The following TLE1 variants were observed in gnomAD, a reference collection of about 807,000 sequenced individuals.
TLE1 encodes the protein TLE family member 1, transcriptional corepressor.
Under a neutral mutation model 89.8 loss-of-function variants are expected in TLE1, and 21 were observed. The ratio of observed to expected loss-of-function variants is 0.23; its 90% CI spans 0.17 to 0.34. The LOEUF (loss-of-function observed/expected upper bound fraction) is 0.34. Among genes scored for constraint, TLE1 ranks in the 10% least tolerant of loss-of-function variants. The pLI is 1.00. For missense variants in TLE1, 795 were observed against 1,031.2 expected (o/e 0.77, Z 3.14); for synonymous variants, 447 against 407.6 (o/e 1.10, Z -1.16).
intron 9 of TLE1, among the ~76,000 whole-genome samples, chr9:81,619,523 C>G (rs1824971655): frequency 6.6e-6 from 1 of 152,176 alleles, no homozygotes; most frequent in African/African-American, 2.4e-5. Context: ...AGGCTTGGGC[C>G]AGCCAGCAGG....
intron 4 of TLE1, among the ~76,000 whole-genome samples, chr9:81,659,034 G>A (rs752828339): frequency 6.6e-6 from 1 of 151,814 alleles, no homozygotes; most frequent in African/African-American, 2.4e-5. Flanking sequence ...TCAGCCTCGC[G>A]AGTAGCTGGG....
chr9:81,655,865 A>AAAAAG (rs869242422), intron 4 of TLE1, among the ~76,000 whole-genome samples: 3 of 144,306 alleles, frequency 2.1e-5, no homozygotes, highest in Non-Finnish European at 3.0e-5. Flanking sequence ...AAAAAAAAAA[A>AAAAAG]AAAAGAAAAG....
chr9:81,646,755 T>C (rs952528634), intron 6 of TLE1, among the ~76,000 whole-genome samples: 4 of 152,158 alleles, frequency 2.6e-5, no homozygotes, highest in Admixed American at 6.6e-5. Flanking sequence ...TCTACAAATG[T>C]TTTAGGAGTT....
chr9:81,666,317 C>G (rs57208048), intron 4 of TLE1, among the ~76,000 whole-genome samples: 23,184 of 152,134 alleles, frequency 0.15, 2,591 homozygotes, highest in East Asian at 0.48. Flanking sequence ...CCCTGGGCCA[C>G]ACCCCAAGCA....
At chr9:81,646,748 A>G (rs1041391291) in intron 6 of TLE1, among the ~76,000 whole-genome samples, 15 of 152,208 alleles carry the variant, frequency 9.9e-5, no homozygotes, top group Admixed American at 3.9e-4. Context: ...GGCTCCTTCT[A>G]CAAATGTTTT....
chr9:81,633,217 T>G, intron 8 of TLE1, 131 bp downstream of exon 8: 1 of 1,437,036 alleles, frequency 7.0e-7, no homozygotes, highest in Non-Finnish European at 9.3e-7. Flanking sequence ...AAAAGCCAGG[T>G]CACTGAGAGA....
chr9:81,684,695 G>A (rs921224444), intron 4 of TLE1, among the ~76,000 whole-genome samples: 1 of 152,188 alleles, frequency 6.6e-6, no homozygotes, highest in African/African-American at 2.4e-5. Flanking sequence ...GAATTGTATT[G>A]TTGCACTTTG....
chr9:81,671,822 T>C (rs569027532), intron 4 of TLE1, among the ~76,000 whole-genome samples: 1 of 152,196 alleles, frequency 6.6e-6, no homozygotes, highest in African/African-American at 2.4e-5. Flanking sequence ...CCCTCCTAAG[T>C]TAGTGGTATG....
chr9:81,671,347 CTATT>C (rs1020131869), intron 4 of TLE1, among the ~76,000 whole-genome samples: 10 of 151,978 alleles, frequency 6.6e-5, no homozygotes, highest in African/African-American at 1.9e-4. Context: ...AACCCTGTCT[CTATT>C]TAAGAAAAAT....
intron 8 of TLE1, among the ~76,000 whole-genome samples, chr9:81,628,286 G>A (rs1826146741): frequency 6.6e-6 from 1 of 152,044 alleles, no homozygotes; most frequent in African/African-American, 2.4e-5. Context: ...TTATAGATGG[G>A]ACTAGGAAGG....
At chr9:81,615,924 C>T (rs1198149544) in intron 11 of TLE1, 58 bp downstream of exon 11, 1 of 1,603,834 alleles carries the variant, frequency 6.2e-7, no homozygotes, top group Non-Finnish European at 8.5e-7. Context: ...TCAGAGTCCT[C>T]CAGTCCACAA....
intron 4 of TLE1, among the ~76,000 whole-genome samples, chr9:81,662,540 C>CAA (rs535285375): frequency 9.3e-5 from 14 of 151,106 alleles, no homozygotes; most frequent in African/African-American, 3.2e-4. Flanking sequence ...ACTAAAAATA[C>CAA]AAAAAAAATT....
In TLE1 at chr9:81,590,795, C is replaced by G. The variant is rs1167287357; in HGVS notation, c.1829+10G>C. ...AGCGAACCCCTCCTTAGACGACCAT[C>G]TTTGCTCACCTCACTAGTGTCTGGT... On this transcript the variant is annotated intron_variant, in intron 16 of 19. Transcript: ENST00000376499. The G allele has an allele frequency of 1.9e-6, 3 of 1,611,346 alleles. No individual in the cohort carries two copies. In the Admixed American group the frequency reaches 5.0e-5, roughly 27 times the overall value.
chr9:81,672,144 T>C (rs1184803343), intron 4 of TLE1, among the ~76,000 whole-genome samples: 1 of 152,152 alleles, frequency 6.6e-6, no homozygotes, highest in Non-Finnish European at 1.5e-5. Context: ...CGGCCAACTT[T>C]GGAGCTTGTT....
At chr9:81,671,331 T>C (rs917920241) in intron 4 of TLE1, among the ~76,000 whole-genome samples, 4 of 151,976 alleles carry the variant, frequency 2.6e-5, no homozygotes, top group Admixed American at 6.6e-5. Flanking sequence ...CTGGGCAACA[T>C]GGCGAAACCC....
At chr9:81,620,247 A>C (rs1825061248) in intron 9 of TLE1, among the ~76,000 whole-genome samples, 194 bp downstream of exon 9, 1 of 152,170 alleles carries the variant, frequency 6.6e-6, no homozygotes, top group Admixed American at 6.5e-5. Context: ...GGAAGTCTAA[A>C]GCTTAACACT....
chr9:81,687,906 G>T (rs1345143551), intron 1 of TLE1, among the ~76,000 whole-genome samples: 2 of 151,994 alleles, frequency 1.3e-5, no homozygotes, highest in East Asian at 1.9e-4. Flanking sequence ...AGAAACAAAG[G>T]GGGGGGCGCC....
At chr9:81,672,102 G>A (rs1037917811) in intron 4 of TLE1, among the ~76,000 whole-genome samples, 2 of 152,146 alleles carry the variant, frequency 1.3e-5, no homozygotes, top group Non-Finnish European at 2.9e-5. Flanking sequence ...AGCCATGAAC[G>A]CGGAGCTTCT....
chr9:81,660,965 ACACACACACACAC>A (rs1238881091), intron 4 of TLE1, among the ~76,000 whole-genome samples: 2,686 of 114,030 alleles, frequency 0.024, 60 homozygotes, highest in Non-Finnish European at 0.037. Flanking sequence ...ACACACACAC[ACACACACACACAC>A]ATTTAGCCTG....
Sources: gnomAD v4.1 joint callset for allele counts (sites outside exome capture counted in the v4.1 genomes callset) on GRCh38, gnomAD v4.1.1 for gene constraint, MANE v1.5 for transcripts, NCBI Gene and HGNC (gene_info 2026-07-23, HGNC 2026-07-21) for gene names.